Variants in LNX1 observed in about 807,000 individuals in gnomAD.
LNX1 encodes ligand of numb-protein X 1, also known as E3 ubiquitin-protein ligase LNX.
A neutral mutation model predicts 68.4 loss-of-function variants in LNX1; 54 were observed. The observed-to-expected ratio is 0.79, with a 90% CI of 0.63 to 0.99. LNX1 has a LOEUF of 0.99. Among genes scored for constraint, LNX1 ranks in the 50% least tolerant of loss-of-function variants. The probability of loss-of-function intolerance (pLI) is 0.00; values close to 1 mark genes in which losing one functional copy is unlikely to be tolerated. For missense variants in LNX1, 906 were observed against 926.4 expected, an observed-to-expected ratio of 0.98 and a Z score of 0.29; for synonymous variants, 336 against 350.0, an observed-to-expected ratio of 0.96 and a Z score of 0.45.
intron 2 of LNX1, among the ~76,000 whole-genome samples, chr4:53,552,705 TG>T (rs1272448241): frequency 6.6e-6 from 1 of 151,702 alleles, no homozygotes; most frequent in African/African-American, 2.4e-5. Context: ...GGCAGGTGCC[TG>T]TAGTCCCAGC....
At chr4:53,464,893 A>G (rs1431134135) in intron 9 of LNX1, among the ~76,000 whole-genome samples, 1 of 152,160 alleles carries the variant, frequency 6.6e-6, no homozygotes, top group Non-Finnish European at 1.5e-5. Flanking sequence ...ATTATCTCTC[A>G]GTGACATGAA....
intron 9 of LNX1, among the ~76,000 whole-genome samples, chr4:53,469,594 C>T (rs918152954): frequency 1.2e-4 from 18 of 152,054 alleles, no homozygotes; most frequent in African/African-American, 4.3e-4. Flanking sequence ...AGACTGCTAG[C>T]AAGACTAATA....
intron 5 of LNX1, chr4:53,496,710 A>G (rs1174743779): frequency 7.2e-6 from 2 of 276,374 alleles, no homozygotes; most frequent in African/African-American, 4.4e-5. Flanking sequence ...GCAGGAAGAG[A>G]GGGAAGGAAG....
chr4:53,559,070 G>A (rs1176036124), intron 2 of LNX1, among the ~76,000 whole-genome samples: 1 of 152,116 alleles, frequency 6.6e-6, no homozygotes, highest in Admixed American at 6.6e-5. Context: ...ATGGCTCGAA[G>A]GGATAATTAC....
chr4:53,485,879 CCAAGAAAGTGGATA>C (rs1406752463), intron 6 of LNX1, among the ~76,000 whole-genome samples: 1 of 152,094 alleles, frequency 6.6e-6, no homozygotes, highest in Non-Finnish European at 1.5e-5. Flanking sequence ...GTGATATGTA[CCAAGAAAGTGGATA>C]CAGCAGAGCT....
At chr4:53,477,116 G>A (rs1210266867) in intron 8 of LNX1, 135 bp from the exon 9 acceptor site, 3 of 757,732 alleles carry the variant, frequency 4.0e-6, no homozygotes, top group Non-Finnish European at 4.6e-6. Flanking sequence ...TTGACGGGAG[G>A]CTGGGTGCTC....
rs78980142 is a variant in LNX1, at chr4:53,604,690, A to G, written c.-215+11827T>C. Among the ~76,000 whole-genome samples, 1,404 of 152,312 alleles carry G rather than the reference A, an allele frequency of 9.2e-3. 18 individuals are homozygous for G. Among genetic ancestry groups the G allele is most frequent in the African/African-American group, 0.032 (1,332 of 41,558 alleles). On this transcript the variant is annotated intron_variant, in intron 2 of 3. Coordinates refer to the LNX1 transcript ENST00000504299. ...TTCTTGCAACCAAAAATGAATTATGAATATCAGTCCAAAGTCAGAGACAGA... is the reference window on the plus strand; with the variant it reads ...TTCTTGCAACCAAAAATGAATTATGGATATCAGTCCAAAGTCAGAGACAGA...
At chr4:53,520,056 T>G (rs1444696086) in intron 2 of LNX1, among the ~76,000 whole-genome samples, 3 of 152,192 alleles carry the variant, frequency 2.0e-5, no homozygotes, top group South Asian at 4.1e-4. Context: ...GGATGTTCTG[T>G]CCCCACGTTT....
At chr4:53,543,689 C>G (rs1728906881) in intron 2 of LNX1, among the ~76,000 whole-genome samples, 1 of 152,060 alleles carries the variant, frequency 6.6e-6, no homozygotes, top group South Asian at 2.1e-4. Flanking sequence ...AAATTCCCTG[C>G]CTTTGCTAAA....
intron 9 of LNX1, among the ~76,000 whole-genome samples, chr4:53,468,023 C>A (rs1342268433): frequency 6.6e-6 from 1 of 152,088 alleles, no homozygotes; most frequent in Non-Finnish European, 1.5e-5. Flanking sequence ...AAGAGCAACT[C>A]CAAGACACAT....
rs116337493 is a variant in LNX1 at position 53,510,296 on chromosome 4, G to A, written c.381-2069C>T. Among the ~76,000 whole-genome samples the A allele has an allele frequency of 6.9e-3, 1,049 of 152,246 alleles. 11 individuals are homozygous for A. The highest frequency in any genetic ancestry group is 0.024 in the African/African-American group (993 of 41,542). ...GTGTTTGGGGATTATTTAACTGATG[G>A]CACATTTTAAAATGTCATCTTCTTT... On this transcript the variant is annotated intron_variant, in intron 2 of 10. Coordinates refer to ENST00000263925, the MANE Select transcript of LNX1 (RefSeq NM_001126328.3).
Position 53,460,815 on chromosome 4 carries a change from C to CTT in LNX1, c.*90_*91dup. On this transcript the variant is annotated 3_prime_UTR_variant, in exon 11 of 11. Transcript: ENST00000263925. Reference sequence around the variant, plus strand: ...CTGACATTTTTACAATGTATTCTTTCTTTAAATATAAAAACTGACAAGATA... The same window carrying CTT: ...CTGACATTTTTACAATGTATTCTTTCTTTTTAAATATAAAAACTGACAAGATA... 2 of 1,243,768 alleles carry CTT rather than the reference C, an allele frequency of 1.6e-6. No homozygotes were observed. Among genetic ancestry groups the CTT allele is most frequent in the South Asian group, 1.5e-5 (1 of 68,618 alleles). The allele number at this position is 1,243,768 out of a possible 1,614,324, so 77.0% of individuals were successfully genotyped here.
intron 2 of LNX1, among the ~76,000 whole-genome samples, chr4:53,555,875 C>T (rs977015272): frequency 6.6e-6 from 1 of 152,078 alleles, no homozygotes; most frequent in African/African-American, 2.4e-5. Flanking sequence ...GATTTATGTA[C>T]TTGTAGAAGA....
At chr4:53,545,425 A>T (rs949288092) in intron 2 of LNX1, among the ~76,000 whole-genome samples, 2 of 152,224 alleles carry the variant, frequency 1.3e-5, no homozygotes, top group Non-Finnish European at 2.9e-5. Context: ...ATGACAACAC[A>T]GTAGCGATGC....
chr4:53,573,863 G>A lies in LNX1; in HGVS notation c.140C>T (p.Ala47Val). The A allele has an allele frequency of 6.2e-7, 1 of 1,613,840 alleles. No individual in the cohort carries two copies. Among genetic ancestry groups the A allele is most frequent in the Non-Finnish European group, 8.5e-7 (1 of 1,179,842 alleles). Residue 47 changes from alanine (A) to valine (V), a missense_variant, in exon 2 of 11, where the codon GCT (alanine) becomes GTT (valine). Physicochemically the swap from Ala to Val is moderately conservative, Grantham distance 64 (BLOSUM62 0). Coordinates refer to ENST00000263925, the MANE Select transcript of LNX1 (RefSeq NM_001126328.3). Reference protein sequence around the residue: ...DDLICHICLQALLDPLDTPCG... With the variant: ...DDLICHICLQVLLDPLDTPCG... ...CGGAGTGTCCAGGGGGTCCAGCAAA[G>A]CCTGCAGGCAGATGTGGCAGATGAG...
chr4:53,539,925 G>T (rs1728632349), intron 2 of LNX1, among the ~76,000 whole-genome samples: 1 of 152,222 alleles, frequency 6.6e-6, no homozygotes, highest in Non-Finnish European at 1.5e-5. Flanking sequence ...CTTGCATGGG[G>T]CATCCATGGC....
At chr4:53,535,685 G>A (rs1306379906) in intron 2 of LNX1, among the ~76,000 whole-genome samples, 2 of 152,196 alleles carry the variant, frequency 1.3e-5, no homozygotes, top group Non-Finnish European at 2.9e-5. Flanking sequence ...GAAATGAGTT[G>A]AGTTTCTTGG....
intron 1 of LNX1, among the ~76,000 whole-genome samples, chr4:53,622,742 G>A (rs1422857875): frequency 1.3e-5 from 2 of 152,184 alleles, no homozygotes; most frequent in East Asian, 3.8e-4. Context: ...AGTTGCTTGT[G>A]TTTATTGGGA....
chr4:53,525,027 G>A (rs1457038824), intron 2 of LNX1, among the ~76,000 whole-genome samples: 1 of 152,164 alleles, frequency 6.6e-6, no homozygotes, highest in Non-Finnish European at 1.5e-5. Flanking sequence ...CTTTCAGAAA[G>A]CTCTGTGTAT....
Sources: gnomAD v4.1 joint callset for allele counts (sites outside exome capture counted in the v4.1 genomes callset) on GRCh38, gnomAD v4.1.1 for gene constraint, MANE v1.5 for transcripts, NCBI Gene and HGNC (gene_info 2026-07-23, HGNC 2026-07-21) for gene names.